The following ATXN7 variants were observed in gnomAD, a reference collection of about 807,000 sequenced individuals.
ATXN7 encodes the protein ataxin-7.
ATXN7 carries 12 observed loss-of-function variants against 70.5 expected under a neutral mutation model. The ratio of observed to expected loss-of-function variants is 0.17; its 90% CI spans 0.11 to 0.28. The LOEUF is 0.28. Among genes scored for constraint, ATXN7 ranks in the 10% least tolerant of loss-of-function variants. ATXN7 has a pLI of 1.00. For synonymous variants in ATXN7, 498 were observed against 448.7 expected, an observed-to-expected ratio of 1.11 and a Z score of -1.39; for missense variants, 1,256 against 1,131.7, an observed-to-expected ratio of 1.11 and a Z score of -1.58.
chr3:63,880,875 G>A (rs1460825989), intron 1 of ATXN7, among the ~76,000 whole-genome samples: 2 of 152,194 alleles, frequency 1.3e-5, no homozygotes, highest in Non-Finnish European at 1.5e-5. Flanking sequence ...TGAGAACAGC[G>A]TTCATTGCTG....
At chr3:63,930,056 A>G (rs1294666161) in intron 4 of ATXN7, among the ~76,000 whole-genome samples, 4 of 152,194 alleles carry the variant, frequency 2.6e-5, no homozygotes, top group Non-Finnish European at 5.9e-5. Context: ...GGGTTTTGAA[A>G]TGGTTATGAC....
intron 1 of ATXN7, among the ~76,000 whole-genome samples, chr3:63,895,775 G>T (rs1178522068): frequency 2.7e-5 from 4 of 145,834 alleles, no homozygotes; most frequent in Admixed American, 1.4e-4. Flanking sequence ...TCTCTCTCTT[G>T]TTTCTCTGTC....
At chr3:63,956,468 T>C (rs1482878388) in intron 5 of ATXN7, among the ~76,000 whole-genome samples, 3 of 144,114 alleles carry the variant, frequency 2.1e-5, no homozygotes, top group Non-Finnish European at 3.0e-5. Flanking sequence ...TTCTTACTGC[T>C]AATTTCAGAT....
chr3:63,997,374 G>T (rs2075777534), intron 12 of ATXN7, among the ~76,000 whole-genome samples: 1 of 152,196 alleles, frequency 6.6e-6, no homozygotes, highest in African/African-American at 2.4e-5. Flanking sequence ...TTCAGTATGG[G>T]CATAGCAGAA....
intron 2 of ATXN7, chr3:63,900,754 A>C (rs758199047): frequency 6.6e-6 from 1 of 152,368 alleles, no homozygotes; most frequent in East Asian, 1.9e-4. Flanking sequence ...GGTGATTTAC[A>C]TGGACTGCAG....
At chr3:63,936,885 T>A (rs753130721) in intron 4 of ATXN7, among the ~76,000 whole-genome samples, 4 of 151,920 alleles carry the variant, frequency 2.6e-5, no homozygotes, top group Non-Finnish European at 5.9e-5. Flanking sequence ...GTCTGCCCCT[T>A]TCAGTCCCAG....
At chr3:63,935,700 A>G (rs1575919739) in intron 4 of ATXN7, among the ~76,000 whole-genome samples, 1 of 152,164 alleles carries the variant, frequency 6.6e-6, no homozygotes, top group African/African-American at 2.4e-5. Context: ...TTGGACCTTT[A>G]TACAGCTCAG....
chr3:63,932,185 A>G (rs1438817607), intron 4 of ATXN7, among the ~76,000 whole-genome samples: 4 of 152,198 alleles, frequency 2.6e-5, no homozygotes, highest in Non-Finnish European at 1.5e-5. Context: ...CCCATATTCA[A>G]GGTAATTAAA....
intron 4 of ATXN7, among the ~76,000 whole-genome samples, chr3:63,935,915 G>A (rs1436827546): frequency 6.6e-6 from 1 of 152,130 alleles, no homozygotes; most frequent in East Asian, 1.9e-4. Context: ...TTATGTAGCA[G>A]GGTTGCATCT....
chr3:63,998,360 A>G (rs773540382), intron 12 of ATXN7: 248 of 983,658 alleles, frequency 2.5e-4, no homozygotes, highest in Non-Finnish European at 2.8e-4. Context: ...GTGTGTGTGT[A>G]TATATATATG....
At chr3:63,948,652 G>C (rs1168436589) in intron 4 of ATXN7, among the ~76,000 whole-genome samples, 1 of 152,164 alleles carries the variant, frequency 6.6e-6, no homozygotes, top group Non-Finnish European at 1.5e-5. Context: ...CCACAGTTTG[G>C]GGTATGGTTT....
chr3:63,866,775 A>G (rs1488754772), intron 1 of ATXN7: 1 of 152,178 alleles, frequency 6.6e-6, no homozygotes, highest in East Asian at 1.9e-4. Flanking sequence ...ACATATTAAC[A>G]TGTTGATGAA....
At chr3:63,943,308 G>A (rs1373819526) in intron 4 of ATXN7, among the ~76,000 whole-genome samples, 3 of 152,198 alleles carry the variant, frequency 2.0e-5, no homozygotes, top group Non-Finnish European at 4.4e-5. Context: ...CCGATGTTAG[G>A]CAGGACCCTC....
rs191710780 is a variant in ATXN7 at position 63,991,514 on chromosome 3, G to C, written c.1682+655G>C. On this transcript the variant is annotated intron_variant, in intron 11 of 12. Transcript: ENST00000674280. ...ATGGATGAGAAACAGCAGTCACTGG[G>C]ACAGTAGGGAGGAGTGGGTTCTGGG... is the stretch of plus-strand genomic sequence containing the variant. Among the ~76,000 whole-genome samples the C allele has an allele frequency of 2.0e-4, 30 of 152,240 alleles. No individual in the cohort carries two copies. In the East Asian group the frequency reaches 3.7e-3, roughly 19 times the overall value.
chr3:63,986,282 C>T (rs913430567), intron 8 of ATXN7, among the ~76,000 whole-genome samples: 1 of 152,160 alleles, frequency 6.6e-6, no homozygotes, highest in Non-Finnish European at 1.5e-5. Context: ...GTTCCGGAGC[C>T]TAGTTATGCA....
intron 5 of ATXN7, among the ~76,000 whole-genome samples, chr3:63,976,467 G>C (rs1425331946): frequency 2.0e-5 from 3 of 152,166 alleles, no homozygotes; most frequent in Non-Finnish European, 4.4e-5. Context: ...TCACATGATA[G>C]ATTGTCATTC....
intron 4 of ATXN7, among the ~76,000 whole-genome samples, chr3:63,948,546 T>C (rs558407694): frequency 6.6e-6 from 1 of 152,264 alleles, no homozygotes; most frequent in South Asian, 2.1e-4. Flanking sequence ...CGCAGGGTAC[T>C]GGGCAGGTTA....
At chr3:63,952,123 C>T (rs991324049) in intron 4 of ATXN7, among the ~76,000 whole-genome samples, 13 of 152,168 alleles carry the variant, frequency 8.5e-5, no homozygotes, top group African/African-American at 3.1e-4. Flanking sequence ...CTTTATTGTG[C>T]AAATATATTC....
chr3:63,906,081 A>G (rs1703828293), intron 2 of ATXN7, among the ~76,000 whole-genome samples: 1 of 152,206 alleles, frequency 6.6e-6, no homozygotes, highest in Admixed American at 6.5e-5. Context: ...ATTCATAGTC[A>G]TTCATACACA....
Sources: gnomAD v4.1 joint callset for allele counts (sites outside exome capture counted in the v4.1 genomes callset) on GRCh38, gnomAD v4.1.1 for gene constraint, MANE v1.5 for transcripts, NCBI Gene and HGNC (gene_info 2026-07-23, HGNC 2026-07-21) for gene names.